The following GSG1 variants were observed in gnomAD, a reference collection of about 807,000 sequenced individuals.
GSG1 encodes germ cell-specific gene 1 protein.
In GSG1, 28 loss-of-function variants were observed where a neutral mutation model predicts 30.8. That is an observed-to-expected ratio of 0.91 (90% CI 0.67 to 1.25). The LOEUF (loss-of-function observed/expected upper bound fraction) is 1.25, where lower values mean the gene tolerates loss of function less well. Ranked by LOEUF, GSG1 falls within the 50% of genes most tolerant of loss-of-function variation. GSG1 has a pLI of 0.00. For missense variants in GSG1, 435 were observed against 444.7 expected (o/e 0.98, Z 0.20); for synonymous variants, 162 against 178.0 (o/e 0.91, Z 0.71).
rs998102792 is a variant in GSG1 at position 13,103,572 on chromosome 12, G to A, written c.-60C>T. On this transcript the variant is annotated 5_prime_UTR_variant, in exon 1 of 7. Coordinates refer to ENST00000651961, the MANE Select transcript of GSG1 (RefSeq NM_001080555.4). ...TTTATCTTCTGTTCTGTCTCAATCA[G>A]TTGGGTAGAATGAGTGTTTAGCGTG... 6.9e-6 allele frequency: 11 copies of A among 1,585,670 alleles called. No homozygotes were observed. In the Admixed American group the frequency reaches 1.5e-4, roughly 22 times the overall value.
rs1216937384 is a variant in GSG1, at chr12:13,087,927, G to T, written c.614C>A (p.Ala205Asp). ...ACGLKLSAFAAVSSVLSGLLG... is the reference protein window; with the variant it reads ...ACGLKLSAFADVSSVLSGLLG... Reference sequence around the variant, plus strand: ...CTCACCTGACAGGACAGAGGAAACAGCAGCAAAGGCGCTCAGTTTGAGCCC... The same window carrying T: ...CTCACCTGACAGGACAGAGGAAACATCAGCAAAGGCGCTCAGTTTGAGCCC... Residue 205 changes from alanine to aspartate, a missense_variant, in exon 5 of 7, where the codon GCT becomes GAT. Transcript: ENST00000651961. 12 of 1,614,030 alleles carry T rather than the reference G, an allele frequency of 7.4e-6. No homozygotes were observed. The highest frequency in any genetic ancestry group is 2.2e-5 in the South Asian group (2 of 91,078).
chr12:13,102,561 C>T (rs1472797522), intron 1 of GSG1, among the ~76,000 whole-genome samples: 2 of 152,256 alleles, frequency 1.3e-5, no homozygotes, highest in Non-Finnish European at 2.9e-5. Flanking sequence ...TTCAGAACCA[C>T]CAGCTCAGCT....
intron 1 of GSG1, among the ~76,000 whole-genome samples, chr12:13,094,329 T>C (rs546308929): frequency 6.6e-6 from 1 of 152,358 alleles, no homozygotes; most frequent in Admixed American, 6.5e-5. Context: ...AAAACCAATA[T>C]GTAAAACATG....
At chr12:13,089,008 A>G in intron 3 of GSG1, 99 bp from the exon 4 acceptor site, 1 of 1,448,724 alleles carries the variant, frequency 6.9e-7, no homozygotes. Context: ...CTCTGCTCTG[A>G]CAGCACCTGC....
chr12:13,097,370 A>AT (rs1349520564), intron 1 of GSG1, among the ~76,000 whole-genome samples: 2,571 of 145,332 alleles, frequency 0.018, 78 homozygotes, highest in African/African-American at 0.058. Flanking sequence ...TGCAACACTT[A>AT]TTTTTTTTTT....
At position 13,090,528 on chromosome 12, in the gene GSG1, G is replaced by A. The variant is rs1865986127; in HGVS notation, c.339C>T (p.Ser113=). Residue 113 remains serine, a synonymous_variant, in exon 2 of 7, where the codon TCC becomes TCT. Coordinates refer to ENST00000651961, the MANE Select transcript of GSG1 (RefSeq NM_001080555.4). ...FRSFRSGMWL[S]CEETVEEPAL... ...CTGGTTCTTCCACAGTTTCCTCACA[G>A]GATAGCCACATGCCACTCCGGAAGC... 1.2e-6 allele frequency: 2 copies of A among 1,613,448 alleles called. No homozygotes were observed. Among genetic ancestry groups the A allele is most frequent in the Middle Eastern group, 1.7e-4 (1 of 6,060 alleles).
In GSG1 at chr12:13,101,887, T is replaced by C. The variant is rs1863237042; in HGVS notation, c.48+1578A>G. ...CCCAATGCACGACTGCACTGAGGAT[T>C]TTGGCCAAGTTACTTAACCTCCCAG... On this transcript the variant is annotated intron_variant, in intron 1 of 6. Transcript: ENST00000651961. The surrounding 1 kb of genome is among the most constrained non-coding windows in gnomAD (Gnocchi z 5.8). 6.6e-6 allele frequency among the ~76,000 whole-genome samples: 1 copy of C among 152,138 alleles called. No individual in the cohort carries two copies. The highest frequency in any genetic ancestry group is 1.5e-5 in the Non-Finnish European group (1 of 68,010).
intron 2 of GSG1, among the ~76,000 whole-genome samples, chr12:13,089,715 T>C (rs147701427): frequency 0.012 from 1,805 of 152,328 alleles, 17 homozygotes; most frequent in Non-Finnish European, 0.02. Flanking sequence ...TGATCTGCTG[T>C]GATGCTTTCA....
chr12:13,088,788 C>T, intron 4 of GSG1, 74 bp downstream of exon 4: 1 of 1,614,118 alleles, frequency 6.2e-7, no homozygotes, highest in Non-Finnish European at 8.5e-7. Context: ...TCTCCATCAA[C>T]CGCTTCCCTC....
chr12:13,102,461 T>G (rs1276661390), intron 1 of GSG1, among the ~76,000 whole-genome samples: 1 of 152,262 alleles, frequency 6.6e-6, no homozygotes, highest in Non-Finnish European at 1.5e-5. Context: ...TGGCTTTTTC[T>G]GTCATGTTCA....
At position 13,084,002 on chromosome 12, in the gene GSG1, C is replaced by T. The variant is rs1484813628; in HGVS notation, c.*899G>A. On this transcript the variant is annotated 3_prime_UTR_variant, in exon 7 of 7. Transcript: ENST00000651961. Reference sequence around the variant, plus strand: ...TAGTGCCGTAATAAACATATGTGTGCATGTGTCTTTATAGCAGCATGATTT... The same window carrying T: ...TAGTGCCGTAATAAACATATGTGTGTATGTGTCTTTATAGCAGCATGATTT... 1 of 152,128 alleles carries T rather than the reference C, an allele frequency of 6.6e-6. No individual in the cohort carries two copies. The highest frequency in any genetic ancestry group is 1.5e-5 in the Non-Finnish European group (1 of 68,058). The allele number at this position is 152,128 out of a possible 1,614,324, so 9.4% of individuals were successfully genotyped here.
chr12:13,086,013 A>C (rs936186851), intron 6 of GSG1, among the ~76,000 whole-genome samples: 2 of 152,148 alleles, frequency 1.3e-5, no homozygotes, highest in African/African-American at 4.8e-5. Flanking sequence ...AAATCCCTAA[A>C]TCTCCCTGTG....
At chr12:13,096,982 T>C (rs554277790) in intron 1 of GSG1, among the ~76,000 whole-genome samples, 9 of 152,102 alleles carry the variant, frequency 5.9e-5, no homozygotes, top group African/African-American at 1.7e-4. Flanking sequence ...TCCCAACTAC[T>C]TGGGAGGCTG....
rs1461539714 is a variant in GSG1, at chr12:13,093,146, T to G, written c.49-2328A>C. Reference sequence around the variant, plus strand: ...GTAAAATAACATTAATACATATAAATATATAATTATATAATTAATAATTGA... The same window carrying G: ...GTAAAATAACATTAATACATATAAAGATATAATTATATAATTAATAATTGA... On this transcript the variant is annotated intron_variant, in intron 1 of 6. Transcript: ENST00000651961. This position sits in a 1 kb window ranked among gnomAD's most constrained non-coding sequence, Gnocchi z 4.6. Among the ~76,000 whole-genome samples the G allele has an allele frequency of 6.6e-6, 1 of 151,210 alleles. No individual in the cohort carries two copies.
rs1034494126 is a variant in GSG1, at chr12:13,101,728, C to T, written c.48+1737G>A. 6.6e-6 allele frequency among the ~76,000 whole-genome samples: 1 copy of T among 152,234 alleles called. No homozygotes were observed. Among genetic ancestry groups the T allele is most frequent in the Non-Finnish European group, 1.5e-5 (1 of 68,040 alleles). ...CTGGAGTCCAAAGTCAGGCATTTCC[C>T]TGCCTCTGCCCGGTAAAGCTATGGG... On this transcript the variant is annotated intron_variant, in intron 1 of 6. Coordinates refer to ENST00000651961, the MANE Select transcript of GSG1 (RefSeq NM_001080555.4). The surrounding 1 kb of genome is among the most constrained non-coding windows in gnomAD (Gnocchi z 5.8).
chr12:13,091,926 G>C (rs942031118), intron 1 of GSG1, among the ~76,000 whole-genome samples: 1 of 152,178 alleles, frequency 6.6e-6, no homozygotes, highest in African/African-American at 2.4e-5. Flanking sequence ...TGAACCTTCG[G>C]AGGGCAAAGG....
chr12:13,099,763 T>TTTTTTGTTTTTG (rs1863054537), intron 1 of GSG1, among the ~76,000 whole-genome samples: 5 of 148,574 alleles, frequency 3.4e-5, no homozygotes, highest in African/African-American at 1.3e-4. Flanking sequence ...TTTTTTTTTT[T>TTTTTTGTTTTTG]TTTTTGTTTT....
rs192060349 is a variant in GSG1, at chr12:13,091,752, C to T, written c.49-934G>A. 2.0e-5 allele frequency among the ~76,000 whole-genome samples: 3 copies of T among 152,290 alleles called. No individual in the cohort carries two copies. The East Asian group carries it at 5.8e-4, about 29-fold the overall frequency. ...ATGGCCTTGATGTCCAATCATATTTCTATGTGACTGTCCATACTTTGTTGA... is the reference window on the plus strand; with the variant it reads ...ATGGCCTTGATGTCCAATCATATTTTTATGTGACTGTCCATACTTTGTTGA... On this transcript the variant is annotated intron_variant, in intron 1 of 6. Transcript: ENST00000651961.
At chr12:13,099,759 T>TTTTTTTTTTTTTG (rs1863045802) in intron 1 of GSG1, among the ~76,000 whole-genome samples, 1 of 144,706 alleles carries the variant, frequency 6.9e-6, no homozygotes. Flanking sequence ...TGTTTTTTTT[T>TTTTTTTTTTTTTG]TTTTTTTTTG....
Sources: gnomAD v4.1 joint callset for allele counts (sites outside exome capture counted in the v4.1 genomes callset) on GRCh38, gnomAD v4.1.1 for gene constraint, Gnocchi (gnomAD v3.1) non-coding constraint, MANE v1.5 for transcripts, NCBI Gene and HGNC (gene_info 2026-07-23, HGNC 2026-07-21) for gene names.